Variants in ST6GALNAC3 observed in about 807,000 individuals in gnomAD.
ST6GALNAC3 encodes ST6 N-acetylgalactosaminide alpha-2,6-sialyltransferase 3.
A neutral mutation model predicts 32.7 loss-of-function variants in ST6GALNAC3; 25 were observed. The ratio of observed to expected loss-of-function variants is 0.76; its 90% CI spans 0.56 to 1.07. The LOEUF is 1.07. Ranked by LOEUF, ST6GALNAC3 falls within the 50% of genes least tolerant of loss-of-function variation. The pLI is 0.00. For missense variants in ST6GALNAC3, 355 were observed against 382.4 expected (o/e 0.93, Z 0.60); for synonymous variants, 129 against 133.1 (o/e 0.97, Z 0.21).
At chr1:76,182,416 C>G (rs905563341) in intron 1 of ST6GALNAC3, among the ~76,000 whole-genome samples, 1 of 152,184 alleles carries the variant, frequency 6.6e-6, no homozygotes, top group Non-Finnish European at 1.5e-5. Flanking sequence ...CTTGCACCTG[C>G]TAAATCCTTT....
chr1:76,411,937 G>C (rs1020418929), intron 2 of ST6GALNAC3, 71 bp from the exon 3 acceptor site: 1 of 1,509,264 alleles, frequency 6.6e-7, no homozygotes, highest in African/African-American at 1.4e-5. Context: ...ATGAACTTTT[G>C]TTTTCCCATA....
Position 76,313,895 on chromosome 1 carries a change from C to T in ST6GALNAC3, c.109C>T (p.Leu37=), listed in dbSNP as rs1235519361. The change falls in exon 2 of 5, where the codon CTA becomes TTA. Residue 37 remains leucine, a synonymous_variant. Transcript: ENST00000328299. ...AAATGAAGTGAATTTCCCATTGCTA[C>T]TAAACTGCTTTGGACAACCTGGTAC... ...LVNEVNFPLL[L]NCFGQPGTKW... The T allele has an allele frequency of 1.2e-6, 2 of 1,613,498 alleles. No homozygotes were observed. The highest frequency in any genetic ancestry group is 1.7e-5 in the Admixed American group (1 of 59,914).
intron 3 of ST6GALNAC3, among the ~76,000 whole-genome samples, chr1:76,436,466 T>G (rs1656151979): frequency 6.6e-6 from 1 of 152,144 alleles, no homozygotes; most frequent in Non-Finnish European, 1.5e-5. Context: ...ATGAGTGCTG[T>G]GTAACACTTA....
chr1:76,549,196 G>A lies in ST6GALNAC3; in HGVS notation c.624-78256G>A, dbSNP rs890699773. 2.6e-5 allele frequency among the ~76,000 whole-genome samples: 4 copies of A among 152,106 alleles called. No homozygotes were observed. In the East Asian group the frequency reaches 5.8e-4, roughly 22 times the overall value. ...CAGCTCTATCAAATTTACAGATTTT[G>A]CCATAGGCCCTTGAGGTCTGTTGAT... On this transcript the variant is annotated intron_variant, in intron 3 of 4. Coordinates refer to ENST00000328299, the MANE Select transcript of ST6GALNAC3 (RefSeq NM_152996.4).
intron 1 of ST6GALNAC3, among the ~76,000 whole-genome samples, chr1:76,096,621 A>G (rs1055642455): frequency 2.0e-5 from 3 of 151,328 alleles, no homozygotes; most frequent in Non-Finnish European, 4.4e-5. Context: ...TAAATTAATA[A>G]TGAAGGAAAG....
At chr1:76,308,628 A>G (rs2100875533) in intron 1 of ST6GALNAC3, among the ~76,000 whole-genome samples, 1 of 152,292 alleles carries the variant, frequency 6.6e-6, no homozygotes, top group Non-Finnish European at 1.5e-5. Context: ...TGGACTCAAA[A>G]CAGTTACTAG....
intron 2 of ST6GALNAC3, among the ~76,000 whole-genome samples, chr1:76,395,590 GACACACACGCACAC>G (rs1463302246): frequency 1.3e-5 from 2 of 151,410 alleles, no homozygotes; most frequent in African/African-American, 2.4e-5. Flanking sequence ...CACACACACA[GACACACACGCACAC>G]ACACACACGC....
At chr1:76,273,860 T>A (rs1330509694) in intron 1 of ST6GALNAC3, among the ~76,000 whole-genome samples, 1 of 152,200 alleles carries the variant, frequency 6.6e-6, no homozygotes, top group Non-Finnish European at 1.5e-5. Context: ...TCTGGAAGTT[T>A]ATTTCCCTCC....
At chr1:76,154,692 A>C (rs1390913668) in intron 1 of ST6GALNAC3, among the ~76,000 whole-genome samples, 1 of 152,122 alleles carries the variant, frequency 6.6e-6, no homozygotes, top group Admixed American at 6.5e-5. Context: ...TGAGGACTTG[A>C]CTTCCTGGGC....
At chr1:76,419,539 T>G (rs2101362408) in intron 3 of ST6GALNAC3, among the ~76,000 whole-genome samples, 1 of 151,642 alleles carries the variant, frequency 6.6e-6, no homozygotes, top group South Asian at 2.1e-4. Flanking sequence ...TCTCCTTAGA[T>G]TTTTTTTTGA....
intron 1 of ST6GALNAC3, among the ~76,000 whole-genome samples, chr1:76,195,615 T>G (rs1400117404): frequency 1.3e-5 from 2 of 152,240 alleles, no homozygotes; most frequent in Non-Finnish European, 2.9e-5. Flanking sequence ...GCTAGCAATT[T>G]TACTGACCAT....
chr1:76,107,110 G>C (rs988066027), intron 1 of ST6GALNAC3, among the ~76,000 whole-genome samples: 3 of 152,194 alleles, frequency 2.0e-5, no homozygotes, highest in Non-Finnish European at 4.4e-5. Context: ...TGGTCATGGA[G>C]AGAACTTACA....
At chr1:76,529,841 A>C (rs72989939) in intron 3 of ST6GALNAC3, among the ~76,000 whole-genome samples, 2,105 of 152,274 alleles carry the variant, frequency 0.014, 36 homozygotes, top group African/African-American at 0.046. Context: ...TCTTTGCATT[A>C]GTTATTTATG....
chr1:76,209,234 T>C (rs1165299299), intron 1 of ST6GALNAC3, among the ~76,000 whole-genome samples: 2 of 152,240 alleles, frequency 1.3e-5, no homozygotes, highest in African/African-American at 2.4e-5. Context: ...CGGAGTCCAT[T>C]GCACTTGGAG....
chr1:76,260,148 A>G (rs1474145323), intron 1 of ST6GALNAC3, among the ~76,000 whole-genome samples: 2 of 152,062 alleles, frequency 1.3e-5, no homozygotes, highest in Admixed American at 1.3e-4. Flanking sequence ...CACTCTTCAC[A>G]TTTGGAGTAA....
chr1:76,458,562 A>T (rs1336534439), intron 3 of ST6GALNAC3, among the ~76,000 whole-genome samples: 3 of 148,358 alleles, frequency 2.0e-5, no homozygotes, highest in Middle Eastern at 3.4e-3. Flanking sequence ...GCCATAAAAA[A>T]TGATGAATTC....
At chr1:76,373,915 T>G (rs1405640603) in intron 2 of ST6GALNAC3, among the ~76,000 whole-genome samples, 2 of 152,102 alleles carry the variant, frequency 1.3e-5, no homozygotes, top group Non-Finnish European at 2.9e-5. Context: ...CCCCCACCAT[T>G]CTTTTCTTTT....
chr1:76,396,078 C>T (rs1041239971), intron 2 of ST6GALNAC3, among the ~76,000 whole-genome samples: 1 of 151,994 alleles, frequency 6.6e-6, no homozygotes, highest in Non-Finnish European at 1.5e-5. Flanking sequence ...ACATGGATGC[C>T]ATAACTATGC....
intron 3 of ST6GALNAC3, among the ~76,000 whole-genome samples, chr1:76,612,080 T>A (rs1647973874): frequency 1.3e-5 from 2 of 152,226 alleles, no homozygotes; most frequent in African/African-American, 4.8e-5. Flanking sequence ...TCCATAGCCA[T>A]GCTTGCATGT....
Sources: allele counts gnomAD v4.1 joint callset (sites outside exome capture counted in the v4.1 genomes callset), GRCh38; gene constraint gnomAD v4.1.1; transcripts MANE v1.5; gene names NCBI Gene and HGNC (gene_info 2026-07-23, HGNC 2026-07-21).